CNTN1: variants seen among roughly 807,000 people sequenced by gnomAD.
The protein encoded by CNTN1 is contactin 1.
A neutral mutation model predicts 126.4 loss-of-function variants in CNTN1; 38 were observed. That is an observed-to-expected ratio of 0.30 (90% CI 0.23 to 0.39). The LOEUF is 0.39. Ranked by LOEUF, CNTN1 falls within the 10% of genes least tolerant of loss-of-function variation. The pLI is 1.00. For missense variants in CNTN1, 1,009 were observed against 1,248.4 expected, an observed-to-expected ratio of 0.81 and a Z score of 2.89; for synonymous variants, 413 against 422.6, an observed-to-expected ratio of 0.98 and a Z score of 0.28.
intron 1 of CNTN1, among the ~76,000 whole-genome samples, chr12:40,765,386 G>A (rs1939040017): frequency 6.6e-6 from 1 of 152,144 alleles, no homozygotes; most frequent in South Asian, 2.1e-4. Flanking sequence ...CTCAGTGAAA[G>A]GATAGGAAGC....
intron 17 of CNTN1, among the ~76,000 whole-genome samples, chr12:41,005,481 G>C (rs749255841): frequency 2.1e-4 from 32 of 151,962 alleles, no homozygotes; most frequent in Non-Finnish European, 4.1e-4. Context: ...GGCCTCACTA[G>C]TTAGGTTGGG....
intron 1 of CNTN1, among the ~76,000 whole-genome samples, chr12:40,726,458 A>G (rs1942352782): frequency 6.6e-6 from 1 of 152,174 alleles, no homozygotes; most frequent in South Asian, 2.1e-4. Flanking sequence ...CCTTCTTCAC[A>G]GGGTGGCAGG....
chr12:40,889,756 T>C (rs1217286428), intron 1 of CNTN1, among the ~76,000 whole-genome samples: 1 of 152,120 alleles, frequency 6.6e-6, no homozygotes, highest in Non-Finnish European at 1.5e-5. Context: ...TGTACTCCAG[T>C]GATGAGAAGA....
intron 1 of CNTN1, among the ~76,000 whole-genome samples, chr12:40,876,429 T>G (rs960501203): frequency 1.3e-5 from 2 of 152,042 alleles, no homozygotes; most frequent in African/African-American, 4.8e-5. Context: ...TTAAACCTCA[T>G]AGAACCCCAT....
chr12:40,719,889 G>A (rs1428605181), intron 1 of CNTN1, among the ~76,000 whole-genome samples: 1 of 152,134 alleles, frequency 6.6e-6, no homozygotes, highest in Non-Finnish European at 1.5e-5. Context: ...CCAGGCTGGA[G>A]TGCAGTGGCG....
chr12:40,875,026 C>A lies in CNTN1; in HGVS notation c.-76-33331C>A, dbSNP rs148648337. On this transcript the variant is annotated intron_variant, in intron 1 of 23. Transcript: ENST00000551295. ...TGTCTTGACCACATGTGCCTTTGGG[C>A]ACACGTATATACAAGAGTGCTCTAG... Among the ~76,000 whole-genome samples, 88 of 152,220 alleles carry A rather than the reference C, an allele frequency of 5.8e-4. No individual in the cohort carries two copies. The Middle Eastern group carries it at 0.014, about 24-fold the overall frequency.
At chr12:40,849,140 T>C (rs998237579) in intron 1 of CNTN1, among the ~76,000 whole-genome samples, 1 of 152,146 alleles carries the variant, frequency 6.6e-6, no homozygotes, top group African/African-American at 2.4e-5. Context: ...TTCAGGCTAC[T>C]GATCATTAAA....
At chr12:41,027,303 G>T (rs1949056566) in intron 21 of CNTN1, among the ~76,000 whole-genome samples, 1 of 152,068 alleles carries the variant, frequency 6.6e-6, no homozygotes, top group African/African-American at 2.4e-5. Flanking sequence ...ACTTAGGGAA[G>T]ATCCACAGAG....
intron 14 of CNTN1, among the ~76,000 whole-genome samples, chr12:40,945,095 T>C (rs1435200181): frequency 2.0e-5 from 3 of 152,096 alleles, no homozygotes; most frequent in Admixed American, 2.0e-4. Context: ...AGAGTTGTAA[T>C]TTAACTGATC....
chr12:40,742,709 C>A (rs1041964140), intron 1 of CNTN1, among the ~76,000 whole-genome samples: 19 of 151,888 alleles, frequency 1.3e-4, no homozygotes, highest in Non-Finnish European at 2.6e-4. Flanking sequence ...AGAGACCTGT[C>A]AGCCTTTGCT....
chr12:40,839,850 CA>C (rs1942207207), intron 1 of CNTN1, among the ~76,000 whole-genome samples: 1 of 151,932 alleles, frequency 6.6e-6, no homozygotes, highest in African/African-American at 2.4e-5. Context: ...AATAATAATA[CA>C]AAGGAGGAAG....
intron 17 of CNTN1, among the ~76,000 whole-genome samples, chr12:41,013,315 C>T (rs963682476): frequency 6.6e-6 from 1 of 152,158 alleles, no homozygotes; most frequent in East Asian, 1.9e-4. Flanking sequence ...TAGTTCCTGC[C>T]GGCATTCACC....
chr12:40,740,396 G>T (rs1053988773), intron 1 of CNTN1, among the ~76,000 whole-genome samples: 4 of 152,014 alleles, frequency 2.6e-5, no homozygotes, highest in African/African-American at 4.8e-5. Flanking sequence ...AACTCTAACT[G>T]CTGTTCATAC....
intron 1 of CNTN1, among the ~76,000 whole-genome samples, chr12:40,868,114 T>G (rs1414829082): frequency 1.3e-5 from 2 of 152,034 alleles, no homozygotes; most frequent in Admixed American, 6.6e-5. Flanking sequence ...TATTATTTCT[T>G]GAGATAATAG....
intron 17 of CNTN1, among the ~76,000 whole-genome samples, chr12:41,013,113 T>C (rs919312368): frequency 2.4e-4 from 36 of 152,234 alleles, no homozygotes; most frequent in African/African-American, 8.4e-4. Flanking sequence ...CTGATTTACA[T>C]AGGGCTCACA....
chr12:40,935,834 T>C (rs1262602367), intron 9 of CNTN1, among the ~76,000 whole-genome samples: 1 of 152,068 alleles, frequency 6.6e-6, no homozygotes, highest in Non-Finnish European at 1.5e-5. Context: ...ATGTATAATG[T>C]TGATGGTATT....
chr12:40,906,294 A>G (rs1040364147), intron 1 of CNTN1, among the ~76,000 whole-genome samples: 4 of 152,174 alleles, frequency 2.6e-5, no homozygotes, highest in African/African-American at 9.6e-5. Context: ...ATTGCTTTTC[A>G]TTCTTCACCT....
chr12:40,739,179 G>A (rs1383010778), intron 1 of CNTN1, among the ~76,000 whole-genome samples: 2 of 152,016 alleles, frequency 1.3e-5, no homozygotes, highest in Non-Finnish European at 2.9e-5. Flanking sequence ...TAAGAAAAAT[G>A]AGAAGAAATC....
At chr12:40,716,256 T>C (rs1261559759) in intron 1 of CNTN1, among the ~76,000 whole-genome samples, 1 of 151,534 alleles carries the variant, frequency 6.6e-6, no homozygotes, top group East Asian at 1.9e-4. Context: ...CCTTTTCTTC[T>C]TCCCTTCCTT....
Sources: gnomAD v4.1 joint callset for allele counts (sites outside exome capture counted in the v4.1 genomes callset) on GRCh38, gnomAD v4.1.1 for gene constraint, MANE v1.5 for transcripts, NCBI Gene and HGNC (gene_info 2026-07-23, HGNC 2026-07-21) for gene names.